PI4KA: variants seen among roughly 807,000 people sequenced by gnomAD.
PI4KA encodes phosphatidylinositol 4-kinase alpha, also known as PI4-kinase alpha.
Under a neutral mutation model 271.4 loss-of-function variants are expected in PI4KA, and 122 were observed. The ratio of observed to expected loss-of-function variants is 0.45; its 90% CI spans 0.39 to 0.52. The LOEUF is 0.52. Among genes scored for constraint, PI4KA ranks in the 20% least tolerant of loss-of-function variants. The probability of loss-of-function intolerance (pLI) is 0.00; values close to 1 mark genes in which losing one functional copy is unlikely to be tolerated. For synonymous variants in PI4KA, 1,041 were observed against 1,078.8 expected, an observed-to-expected ratio of 0.96 and a Z score of 0.69; for missense variants, 1,969 against 2,769.1, an observed-to-expected ratio of 0.71 and a Z score of 6.48.
chr22:20,765,616 G>A lies in PI4KA; in HGVS notation c.2406C>T (p.Ser802=), dbSNP rs150538650. ...CCTCCACAGCGAATCCCATCAGAACGGAATACAGCCAGAAGTCTCGGAAGA... is the reference window on the plus strand; with the variant it reads ...CCTCCACAGCGAATCCCATCAGAACAGAATACAGCCAGAAGTCTCGGAAGA... ...QKLFRDFWLY[S]VLMGFAVEGS... The change falls in exon 20 of 55, where the codon TCC becomes TCT. Residue 802 remains serine, a synonymous_variant. Coordinates refer to ENST00000255882, the MANE Select transcript of PI4KA (RefSeq NM_058004.4). The A allele has an allele frequency of 7.0e-5, 112 of 1,610,392 alleles. No individual in the cohort carries two copies. Among genetic ancestry groups the A allele is most frequent in the Admixed American group, 1.3e-4 (8 of 59,942 alleles).
chr22:20,727,868 C>G lies in PI4KA; in HGVS notation c.4683-4G>C, dbSNP rs1026394802. On this transcript the variant is annotated splice_region_variant and splice_polypyrimidine_tract_variant and intron_variant, in intron 39 of 54. Coordinates refer to ENST00000255882, the MANE Select transcript of PI4KA (RefSeq NM_058004.4). Reference sequence around the variant, plus strand: ...AATGGCTTCTGTGTTCTTAAACCTACAGTGCACAGAGGGTATGGGTGGTGC... The same window carrying G: ...AATGGCTTCTGTGTTCTTAAACCTAGAGTGCACAGAGGGTATGGGTGGTGC... 2 of 1,612,264 alleles carry G rather than the reference C, an allele frequency of 1.2e-6. No individual in the cohort carries two copies. The highest frequency in any genetic ancestry group is 1.7e-6 in the Non-Finnish European group (2 of 1,178,474).
At chr22:20,848,538 A>T (rs1302785416) in intron 1 of PI4KA, among the ~76,000 whole-genome samples, 1 of 152,198 alleles carries the variant, frequency 6.6e-6, no homozygotes, top group East Asian at 1.9e-4. Flanking sequence ...CCTCACACTT[A>T]CAGTCAACTG....
At chr22:20,768,966 C>G (rs74347319) in intron 19 of PI4KA, among the ~76,000 whole-genome samples, 4,473 of 152,208 alleles carry the variant, frequency 0.029, 88 homozygotes, top group Middle Eastern at 0.061. Flanking sequence ...TGACCGGCCT[C>G]CCAGGATAAG....
chr22:20,843,211 G>A (rs141884087), intron 1 of PI4KA, among the ~76,000 whole-genome samples: 24 of 152,070 alleles, frequency 1.6e-4, no homozygotes, highest in African/African-American at 5.5e-4. Context: ...AAAAAATACG[G>A]CCAGGCATGG....
chr22:20,764,362 G>A (rs9917585), intron 22 of PI4KA, among the ~76,000 whole-genome samples: 10,567 of 152,254 alleles, frequency 0.069, 354 homozygotes, highest in East Asian at 0.079. Context: ...GACTGCTGTG[G>A]CCACAGATGT....
At chr22:20,796,496 A>C (rs1429330258) in intron 17 of PI4KA, among the ~76,000 whole-genome samples, 182 bp from the exon 18 acceptor site, 1 of 152,244 alleles carries the variant, frequency 6.6e-6, no homozygotes, top group South Asian at 2.1e-4. Flanking sequence ...CGTGAAAAAC[A>C]ACCTGTAGAA....
At chr22:20,779,993 G>A (rs767630078) in intron 19 of PI4KA, 3 of 1,614,136 alleles carry the variant, frequency 1.9e-6, no homozygotes, top group East Asian at 2.2e-5. Flanking sequence ...TTTATATCCA[G>A]AAGCAGTTTC....
chr22:20,765,768 A>G, intron 19 of PI4KA, 75 bp from the exon 20 acceptor site: 2 of 913,714 alleles, frequency 2.2e-6, no homozygotes, highest in East Asian at 4.9e-5. Context: ...TGTAAAATCA[A>G]CCACAGATTC....
intron 19 of PI4KA, among the ~76,000 whole-genome samples, chr22:20,775,890 TG>T (rs1343472856): frequency 6.6e-6 from 1 of 152,162 alleles, no homozygotes; most frequent in Non-Finnish European, 1.5e-5. Flanking sequence ...TTACTTTCTT[TG>T]TTCCTGACTT....
In PI4KA at chr22:20,796,266, G is replaced by A; in HGVS notation, c.2157C>T (p.Asn719=). The A allele has an allele frequency of 5.0e-6, 8 of 1,614,146 alleles. No homozygotes were observed. Among genetic ancestry groups the A allele is most frequent in the Non-Finnish European group, 6.8e-6 (8 of 1,180,008 alleles). The change falls in exon 18 of 55, where the codon AAC becomes AAT. Residue 719 remains asparagine (N), a synonymous_variant. Transcript: ENST00000255882. Reference sequence around the variant, plus strand: ...CATCCACCAGGTGCTCGTCTTGGATGTTGGCCGCGATGTTGGCCAGGGCAT... The same window carrying A: ...CATCCACCAGGTGCTCGTCTTGGATATTGGCCGCGATGTTGGCCAGGGCAT... ...VINALANIAA[N]IQDEHLVDEL...
At chr22:20,788,697 G>A (rs541512017) in intron 19 of PI4KA, among the ~76,000 whole-genome samples, 5 of 152,242 alleles carry the variant, frequency 3.3e-5, no homozygotes, top group East Asian at 1.9e-4. Context: ...CTGATGCTGC[G>A]GATGGCCCAC....
intron 18 of PI4KA, among the ~76,000 whole-genome samples, chr22:20,795,032 A>G (rs150155989): frequency 0.03 from 4,519 of 152,228 alleles, 89 homozygotes; most frequent in Middle Eastern, 0.061. Context: ...GTGAACAATA[A>G]CTGTCTGGGG....
chr22:20,838,810 T>C, intron 1 of PI4KA, 79 bp from the exon 2 acceptor site: 1 of 809,984 alleles, frequency 1.2e-6, no homozygotes, highest in Non-Finnish European at 2.1e-6. Flanking sequence ...GAGTGCAGTG[T>C]CATATGCCTG....
rs749493198 is a variant in PI4KA at position 20,783,971 on chromosome 22, G to A, written c.2328+9222C>T. On this transcript the variant is annotated intron_variant, in intron 19 of 54. Transcript: ENST00000255882. ...ACAGCCTCTTCCTGTGGCCTTTACA[G>A]GATCCTGGGTGAATAAATTCCCAGT... 4.3e-5 allele frequency: 70 copies of A among 1,614,016 alleles called. 1 individual carries two copies. The African/African-American group carries it at 7.5e-4, about 17-fold the overall frequency.
intron 18 of PI4KA, among the ~76,000 whole-genome samples, chr22:20,794,333 C>G (rs6004283): frequency 6.6e-6 from 1 of 152,122 alleles, no homozygotes; most frequent in Non-Finnish European, 1.5e-5. Flanking sequence ...GCCCCTCAGA[C>G]AGGTTACAGC....
intron 12 of PI4KA, among the ~76,000 whole-genome samples, 198 bp from the exon 13 acceptor site, chr22:20,803,518 C>G (rs1187519736): frequency 6.6e-6 from 1 of 152,130 alleles, no homozygotes; most frequent in Non-Finnish European, 1.5e-5. Flanking sequence ...TAGGGGACAT[C>G]AACTACTATT....
intron 7 of PI4KA, among the ~76,000 whole-genome samples, chr22:20,818,235 C>A (rs1922107492): frequency 6.6e-6 from 1 of 152,134 alleles, no homozygotes; most frequent in Admixed American, 6.6e-5. Flanking sequence ...AAGTTATTTT[C>A]TGTACTTTTC....
At chr22:20,849,991 G>A (rs950551150) in intron 1 of PI4KA, among the ~76,000 whole-genome samples, 2 of 152,224 alleles carry the variant, frequency 1.3e-5, no homozygotes, top group Admixed American at 6.5e-5. Context: ...TGGTAGGGCT[G>A]CAGGGTAACA....
intron 11 of PI4KA, 45 bp downstream of exon 11, chr22:20,804,929 G>C (rs1229925170): frequency 6.8e-7 from 1 of 1,475,668 alleles, no homozygotes; most frequent in East Asian, 2.3e-5. Context: ...AAAGCCTCTG[G>C]GTCATGCCTG....
Sources: gnomAD v4.1 joint callset for allele counts (sites outside exome capture counted in the v4.1 genomes callset) on GRCh38, gnomAD v4.1.1 for gene constraint, MANE v1.5 for transcripts, NCBI Gene and HGNC (gene_info 2026-07-23, HGNC 2026-07-21) for gene names.